Variants in DNAH12 observed in about 807,000 individuals in gnomAD.
DNAH12 encodes the protein axonemal beta dynein heavy chain 12.
In DNAH12, 285 loss-of-function variants were observed where a neutral mutation model predicts 371.5. The observed-to-expected ratio is 0.77, with a 90% CI of 0.70 to 0.85. The LOEUF is 0.85. Among genes scored for constraint, DNAH12 ranks in the 40% least tolerant of loss-of-function variants. The pLI is 0.00. For synonymous variants in DNAH12, 1,200 were observed against 1,213.0 expected (o/e 0.99, Z 0.22); for missense variants, 3,611 against 3,689.4 (o/e 0.98, Z 0.55).
intron 34 of DNAH12, among the ~76,000 whole-genome samples, chr3:57,426,959 CTA>C (rs1457359547): frequency 6.6e-6 from 1 of 151,644 alleles, no homozygotes; most frequent in African/African-American, 2.4e-5. Context: ...AGTTTTAAAA[CTA>C]TAAGGGACTT....
At chr3:57,327,398 C>A (rs1384274864) in intron 62 of DNAH12, among the ~76,000 whole-genome samples, 44 of 152,110 alleles carry the variant, frequency 2.9e-4, no homozygotes, top group African/African-American at 9.4e-4. Context: ...ACTCAGGATT[C>A]AGAAACTCAC....
At chr3:57,343,398 A>T (rs1196317228) in intron 60 of DNAH12, among the ~76,000 whole-genome samples, 2 of 152,260 alleles carry the variant, frequency 1.3e-5, no homozygotes, top group African/African-American at 4.8e-5. Context: ...GGTTTAAGGG[A>T]TCCAAGGCTG....
At chr3:57,355,059 T>C (rs901636259) in intron 59 of DNAH12, among the ~76,000 whole-genome samples, 4 of 152,170 alleles carry the variant, frequency 2.6e-5, no homozygotes, top group Non-Finnish European at 5.9e-5. Flanking sequence ...ATCTTGACTG[T>C]ATTAATGTTA....
chr3:57,337,267 G>A (rs1431505314), intron 60 of DNAH12, among the ~76,000 whole-genome samples: 2 of 152,148 alleles, frequency 1.3e-5, no homozygotes, highest in South Asian at 2.1e-4. Context: ...AGCACTTTAG[G>A]AGGCCATAGG....
At chr3:57,392,278 C>T (rs2063640553) in intron 44 of DNAH12, among the ~76,000 whole-genome samples, 1 of 151,920 alleles carries the variant, frequency 6.6e-6, no homozygotes, top group Admixed American at 6.6e-5. Context: ...AAGTTATCTG[C>T]CAAGAATTTA....
intron 41 of DNAH12, 59 bp from the exon 42 acceptor site, chr3:57,405,206 A>G (rs1346759633): frequency 7.0e-7 from 1 of 1,432,036 alleles, no homozygotes; most frequent in Non-Finnish European, 9.2e-7. Flanking sequence ...AAATTTAAGA[A>G]AACAAAATTT....
intron 38 of DNAH12, among the ~76,000 whole-genome samples, chr3:57,414,608 T>C (rs780904146): frequency 2.0e-5 from 3 of 152,332 alleles, no homozygotes; most frequent in East Asian, 1.9e-4. Flanking sequence ...TACTCAACAA[T>C]GTATCTATTA....
chr3:57,500,053 T>C (rs1180954806), intron 11 of DNAH12, among the ~76,000 whole-genome samples: 1 of 151,624 alleles, frequency 6.6e-6, no homozygotes. Context: ...ACCTTTTTTT[T>C]TTTTTGAGAT....
chr3:57,548,292 A>C (rs908070543), upstream of DNAH12, among the ~76,000 whole-genome samples: 1 of 152,222 alleles, frequency 6.6e-6, no homozygotes, highest in Non-Finnish European at 1.5e-5. Context: ...CGTCTCTCTT[A>C]GGCTTCCAGG....
intron 11 of DNAH12, among the ~76,000 whole-genome samples, chr3:57,496,457 C>A (rs887902463): frequency 5.9e-5 from 9 of 152,010 alleles, no homozygotes; most frequent in Admixed American, 3.9e-4. Context: ...AAATACTTGA[C>A]AAAATTCAGC....
At chr3:57,389,971 G>T (rs2063580754) in intron 45 of DNAH12, among the ~76,000 whole-genome samples, 2 of 149,914 alleles carry the variant, frequency 1.3e-5, no homozygotes, top group Admixed American at 6.6e-5. Context: ...GAGTAGCTGG[G>T]ACTACAGGCG....
rs888644164 is a variant in DNAH12 at position 57,462,769 on chromosome 3, G to C, written c.2456C>G (p.Thr819Ser). The change falls in exon 18 of 74, where the codon ACT becomes AGT. Residue 819 changes from threonine (T) to serine (S), a missense_variant. Around this residue, in one of 3 missense-constraint regions of DNAH12, gnomAD observed 1,314 missense variants for 1,398.7 expected, o/e 0.94. Transcript: ENST00000495027. ...TAATTTTAAAACTTTTCTCAGTGTA[G>C]TTCCAGAGTCTGGAGTCAAGTCATA... ...VGYDLTPDSG[T>S]TLRKVLKLNL... 26 of 1,551,372 alleles carry C rather than the reference G, an allele frequency of 1.7e-5. No homozygotes were observed. The highest frequency in any genetic ancestry group is 2.7e-5 in the African/African-American group (2 of 72,996).
rs979885638 is a variant in DNAH12, at chr3:57,483,376, C to T, written c.1650G>A (p.Gln550=). ...VGIEELILRI[Q]ESKRQMSYFL... is the part of the protein sequence containing the mutation. Reference sequence around the variant, plus strand: ...AAATATGCAAATTAAAATTCCTTACCTGGATCCTTAAAATCAACTCTTCGA... The same window carrying T: ...AAATATGCAAATTAAAATTCCTTACTTGGATCCTTAAAATCAACTCTTCGA... Residue 550 remains glutamine (Q), a splice_region_variant and synonymous_variant, in exon 13 of 74, where the codon CAG becomes CAA. Transcript: ENST00000495027. 4 of 1,542,310 alleles carry T rather than the reference C, an allele frequency of 2.6e-6. No homozygotes were observed. The African/African-American group carries it at 5.5e-5, about 21-fold the overall frequency.
At chr3:57,428,435 A>T in intron 34 of DNAH12, 198 bp downstream of exon 34, 1 of 1,524,806 alleles carries the variant, frequency 6.6e-7, no homozygotes, top group South Asian at 1.3e-5. Context: ...ATGGTTGTAT[A>T]CAAATAGTTT....
chr3:57,302,300 C>T (rs1326785163), intron 69 of DNAH12, among the ~76,000 whole-genome samples: 2 of 151,610 alleles, frequency 1.3e-5, no homozygotes, highest in African/African-American at 4.8e-5. Context: ...GTAATGATGT[C>T]GTGCAATGGC....
chr3:57,413,751 T>G lies in DNAH12; in HGVS notation c.6015A>C (p.Gly2005=), dbSNP rs782576135. Residue 2005 remains glycine, a synonymous_variant, in exon 39 of 74, where the codon GGA becomes GGC. Transcript: ENST00000495027. ...TTATCGAATTAAATAGTTACCAATG[T>G]CCACAGTCAAAAAACTGTCGTAATA... ...IELLRQFFDC[G]HWYDLKDTSK... is the part of the protein sequence containing the mutation. 1 of 1,550,290 alleles carries G rather than the reference T, an allele frequency of 6.5e-7. No homozygotes were observed. The highest frequency in any genetic ancestry group is 8.7e-7 in the Non-Finnish European group (1 of 1,146,506).
At chr3:57,416,487 T>G (rs957208058) in intron 37 of DNAH12, among the ~76,000 whole-genome samples, 2 of 152,196 alleles carry the variant, frequency 1.3e-5, no homozygotes, top group African/African-American at 4.8e-5. Context: ...ATGCTTAACT[T>G]TTCAGAGCAG....
intron 57 of DNAH12, among the ~76,000 whole-genome samples, chr3:57,364,785 C>T (rs1329369196): frequency 1.3e-5 from 2 of 152,086 alleles, no homozygotes; most frequent in Non-Finnish European, 1.5e-5. Flanking sequence ...AGACAAACAA[C>T]CCCATTAAAA....
intron 60 of DNAH12, among the ~76,000 whole-genome samples, chr3:57,344,751 T>G (rs2062495914): frequency 6.6e-6 from 1 of 152,124 alleles, no homozygotes; most frequent in African/African-American, 2.4e-5. Flanking sequence ...GTTGATTTCA[T>G]AGAAGTAAAA....
Sources: allele counts gnomAD v4.1 joint callset (sites outside exome capture counted in the v4.1 genomes callset), GRCh38; gene constraint gnomAD v4.1.1; regional missense constraint gnomAD v4.1.1; transcripts MANE v1.5; gene names NCBI Gene and HGNC (gene_info 2026-07-23, HGNC 2026-07-21).